Variants in BICC1 observed in about 807,000 individuals in gnomAD.
The protein encoded by BICC1 is protein bicaudal C homolog 1.
BICC1 carries 43 observed loss-of-function variants against 111.0 expected under a neutral mutation model. That is an observed-to-expected ratio of 0.39 (90% CI 0.30 to 0.50). BICC1 has a LOEUF of 0.50. Among genes scored for constraint, BICC1 ranks in the 20% least tolerant of loss-of-function variants. BICC1 has a pLI of 0.88. For missense variants in BICC1, 1,091 were observed against 1,203.2 expected, an observed-to-expected ratio of 0.91 and a Z score of 1.38; for synonymous variants, 467 against 434.4, an observed-to-expected ratio of 1.07 and a Z score of -0.93.
intron 2 of BICC1, among the ~76,000 whole-genome samples, chr10:58,675,455 C>T (rs1026095222): frequency 6.6e-6 from 1 of 152,028 alleles, no homozygotes; most frequent in South Asian, 2.1e-4. Context: ...GAAGGAAATC[C>T]TGCAATTTGC....
intron 2 of BICC1, among the ~76,000 whole-genome samples, chr10:58,625,813 G>C (rs376194815): frequency 3.3e-5 from 5 of 152,282 alleles, no homozygotes; most frequent in African/African-American, 1.2e-4. Flanking sequence ...CTTAGATGGG[G>C]ACTAGGTGAG....
intron 1 of BICC1, among the ~76,000 whole-genome samples, chr10:58,526,811 T>G (rs1222351493): frequency 6.6e-6 from 1 of 152,258 alleles, no homozygotes. Context: ...CCACATTTTC[T>G]TAATTCAGTC....
intron 2 of BICC1, chr10:58,648,604 T>G: frequency 1.0e-6 from 1 of 984,838 alleles, no homozygotes; most frequent in Non-Finnish European, 1.2e-6. Context: ...TCTCTTTCTC[T>G]CTCTCTTTCT....
chr10:58,671,073 C>T (rs1004803275), intron 2 of BICC1, among the ~76,000 whole-genome samples: 7 of 152,158 alleles, frequency 4.6e-5, no homozygotes, highest in African/African-American at 9.6e-5. Flanking sequence ...GCATGACCCT[C>T]GTCCTTCCCA....
At chr10:58,605,633 A>G (rs1171481570) in intron 1 of BICC1, among the ~76,000 whole-genome samples, 1 of 152,232 alleles carries the variant, frequency 6.6e-6, no homozygotes, top group African/African-American at 2.4e-5. Flanking sequence ...TATCCTCTGT[A>G]CACTTTAATC....
intron 3 of BICC1, among the ~76,000 whole-genome samples, chr10:58,730,773 T>G (rs1841264479): frequency 6.6e-6 from 1 of 152,052 alleles, no homozygotes; most frequent in Non-Finnish European, 1.5e-5. Context: ...GTACCTTTGC[T>G]CTTTTGAGTC....
Position 58,715,657 on chromosome 10 carries a change from A to G in BICC1, c.307+13514A>G, listed in dbSNP as rs536019756. The G allele has an allele frequency of 1.9e-6, 3 of 1,603,860 alleles. No homozygotes were observed. In the African/African-American group the frequency reaches 4.0e-5, roughly 21 times the overall value. On this transcript the variant is annotated intron_variant, in intron 3 of 20. Transcript: ENST00000373886. The stretch of plus-strand genomic sequence containing the variant: ...GGGCCAACAATACAGGATTATCTGA[A>G]TTGACCAAGGCCTACCTGGGAAGAA...
At chr10:58,693,687 T>C (rs1216356701) in intron 2 of BICC1, among the ~76,000 whole-genome samples, 2 of 152,164 alleles carry the variant, frequency 1.3e-5, no homozygotes, top group South Asian at 2.1e-4. Context: ...TCATATCCTT[T>C]GCCCGCTTTT....
intron 1 of BICC1, among the ~76,000 whole-genome samples, chr10:58,578,453 C>G (rs944186515): frequency 6.6e-6 from 1 of 152,118 alleles, no homozygotes; most frequent in African/African-American, 2.4e-5. Flanking sequence ...TGTATTGTTC[C>G]GGCTAATCCA....
chr10:58,518,015 C>G (rs927270148), intron 1 of BICC1, among the ~76,000 whole-genome samples: 5 of 152,116 alleles, frequency 3.3e-5, no homozygotes, highest in African/African-American at 1.2e-4. Flanking sequence ...TCCCTGGTAG[C>G]TTGCCATGTG....
chr10:58,762,146 C>T (rs1407956313), intron 3 of BICC1, among the ~76,000 whole-genome samples: 1 of 152,052 alleles, frequency 6.6e-6, no homozygotes, highest in African/African-American at 2.4e-5. Context: ...TGGTATGGGC[C>T]TTAATGCAAG....
intron 2 of BICC1, among the ~76,000 whole-genome samples, chr10:58,698,870 C>T (rs1380277326): frequency 1.3e-5 from 2 of 152,164 alleles, no homozygotes; most frequent in East Asian, 3.9e-4. Flanking sequence ...CACAGCACCC[C>T]TAGAAAGCAG....
chr10:58,562,978 G>A (rs1181395604), intron 1 of BICC1, among the ~76,000 whole-genome samples: 1 of 152,088 alleles, frequency 6.6e-6, no homozygotes, highest in Non-Finnish European at 1.5e-5. Flanking sequence ...GTCCTTGGGA[G>A]CGTATAGGGG....
intron 1 of BICC1, among the ~76,000 whole-genome samples, chr10:58,544,829 A>C (rs1405202375): frequency 6.6e-6 from 1 of 152,144 alleles, no homozygotes; most frequent in Non-Finnish European, 1.5e-5. Context: ...ATTTGGAGAT[A>C]GGGCTTTTGC....
intron 2 of BICC1, among the ~76,000 whole-genome samples, chr10:58,626,870 C>G (rs906279405): frequency 1.3e-5 from 2 of 152,102 alleles, no homozygotes; most frequent in Non-Finnish European, 2.9e-5. Flanking sequence ...TTTGGGAGGC[C>G]GAGGTGGGCA....
At chr10:58,635,640 G>A (rs1401488114) in intron 2 of BICC1, among the ~76,000 whole-genome samples, 1 of 152,108 alleles carries the variant, frequency 6.6e-6, no homozygotes, top group Non-Finnish European at 1.5e-5. Context: ...TGCCTTCCAG[G>A]TAAAATTAAA....
At chr10:58,815,815 G>A (rs1382963764) in intron 18 of BICC1, among the ~76,000 whole-genome samples, 1 of 151,996 alleles carries the variant, frequency 6.6e-6, no homozygotes, top group East Asian at 1.9e-4. Flanking sequence ...ACATATGTAA[G>A]ATTCCTTTTA....
At chr10:58,757,190 G>C (rs1001452540) in intron 3 of BICC1, among the ~76,000 whole-genome samples, 1 of 152,178 alleles carries the variant, frequency 6.6e-6, no homozygotes, top group Non-Finnish European at 1.5e-5. Flanking sequence ...TGTGGCTCAG[G>C]CATGAAATCA....
chr10:58,669,252 CA>C (rs1402481400), intron 2 of BICC1, among the ~76,000 whole-genome samples: 1 of 151,732 alleles, frequency 6.6e-6, no homozygotes, highest in Admixed American at 6.6e-5. Flanking sequence ...TGTAAGCGCA[CA>C]AAAAGTTTTG....
Sources: gnomAD v4.1 joint callset for allele counts (sites outside exome capture counted in the v4.1 genomes callset) on GRCh38, gnomAD v4.1.1 for gene constraint, MANE v1.5 for transcripts, NCBI Gene and HGNC (gene_info 2026-07-23, HGNC 2026-07-21) for gene names.